RGL2: variants seen among roughly 807,000 people sequenced by gnomAD.
RGL2 encodes ral guanine nucleotide dissociation stimulator like 2, also known as ral guanine nucleotide dissociation stimulator-like 2.
Under a neutral mutation model 84.6 loss-of-function variants are expected in RGL2, and 40 were observed. The ratio of observed to expected loss-of-function variants is 0.47; its 90% CI spans 0.37 to 0.62. The LOEUF is 0.62. Among genes scored for constraint, RGL2 ranks in the 20% least tolerant of loss-of-function variants. The pLI is 0.00. For synonymous variants in RGL2, 369 were observed against 417.3 expected, an observed-to-expected ratio of 0.88 and a Z score of 1.41; for missense variants, 865 against 1,019.7, an observed-to-expected ratio of 0.85 and a Z score of 2.07.
chr6:33,297,890 C>T lies in RGL2; in HGVS notation c.156+565G>A, dbSNP rs1768147189. The T allele has an allele frequency of 2.0e-5, 3 of 151,614 alleles. No homozygotes were observed. Among genetic ancestry groups the T allele is most frequent in the Non-Finnish European group, 4.4e-5 (3 of 68,086 alleles). The allele number at this position is 151,614 out of a possible 1,614,324, so 9.4% of individuals were successfully genotyped here. A position where few individuals can be genotyped will look rare whatever the true frequency, so the allele number is the denominator to read the frequency against. On this transcript the variant is annotated intron_variant, in intron 2 of 17. Transcript: ENST00000497454. This position sits in a 1 kb window ranked among gnomAD's most constrained non-coding sequence, Gnocchi z 4.0. ...CCGAAATCCTGCTCCTGGCCACCAC[C>T]ATTAATCCCTAATGAAAACAGATGA... is the stretch of plus-strand genomic sequence containing the variant.
In RGL2 at chr6:33,294,906, C is replaced by A; in HGVS notation, c.1278+71G>T. The A allele has an allele frequency of 6.6e-7, 1 of 1,517,778 alleles. No individual in the cohort carries two copies. The allele number at this position is 1,517,778 out of a possible 1,614,324, so 94.0% of individuals were successfully genotyped here. On this transcript the variant is annotated intron_variant, in intron 10 of 17. Coordinates refer to ENST00000497454, the MANE Select transcript of RGL2 (RefSeq NM_004761.5). This position sits in a 1 kb window ranked among gnomAD's most constrained non-coding sequence, Gnocchi z 5.0. ...CCTCCCTTACCCATCCTTCAGGCTG[C>A]TCCCCCAAAACATACTCCTCACCCC... is the stretch of plus-strand genomic sequence containing the variant.
rs976499272 is a variant in RGL2 at position 33,292,163 on chromosome 6, C to T, written c.2273G>A (p.Gly758Glu). The T allele has an allele frequency of 1.9e-6, 3 of 1,614,094 alleles. No homozygotes were observed. The African/African-American group carries it at 4.0e-5, about 22-fold the overall frequency. Residue 758 changes from glycine (G) to glutamate (E), a missense_variant, in exon 18 of 18, where the codon GGA becomes GAA. By Grantham distance (98) the Gly-to-Glu change is moderately conservative. Coordinates refer to ENST00000497454, the MANE Select transcript of RGL2 (RefSeq NM_004761.5). Reference sequence around the variant, plus strand: ...CTTGATCCTGGGAAAGGAGCCCCCTCCTCCCTCACTCGGAGGAGTTCCTGA... The same window carrying T: ...CTTGATCCTGGGAAAGGAGCCCCCTTCTCCCTCACTCGGAGGAGTTCCTGA... ...SASGTPPSEG[G>E]GGSFPRIKAT...
chr6:33,291,923 A>G lies in RGL2; in HGVS notation c.*179T>C. 1.5e-6 allele frequency: 1 copy of G among 658,774 alleles called. No homozygotes were observed. The highest frequency in any genetic ancestry group is 1.9e-5 in the South Asian group (1 of 53,432). The allele number at this position is 658,774 out of a possible 1,614,324, so 40.8% of individuals were successfully genotyped here. A position where few individuals can be genotyped will look rare whatever the true frequency, so the allele number is the denominator to read the frequency against. On this transcript the variant is annotated 3_prime_UTR_variant, in exon 18 of 18. Coordinates refer to ENST00000497454, the MANE Select transcript of RGL2 (RefSeq NM_004761.5). ...GTATCCAACTTGGTTATAAGACACC[A>G]GTTCCCACAGGGCTGGATTTCTCAG...
At position 33,298,419 on chromosome 6, in the gene RGL2, A is replaced by T; in HGVS notation, c.156+36T>A. 1 of 1,182,884 alleles carries T rather than the reference A, an allele frequency of 8.5e-7. No individual in the cohort carries two copies. Among genetic ancestry groups the T allele is most frequent in the Non-Finnish European group, 1.2e-6 (1 of 835,408 alleles). The allele number at this position is 1,182,884 out of a possible 1,614,324, so 73.3% of individuals were successfully genotyped here. A position where few individuals can be genotyped will look rare whatever the true frequency, so the allele number is the denominator to read the frequency against. On this transcript the variant is annotated intron_variant, in intron 2 of 17. Coordinates refer to ENST00000497454, the MANE Select transcript of RGL2 (RefSeq NM_004761.5). This position sits in a 1 kb window ranked among gnomAD's most constrained non-coding sequence, Gnocchi z 4.8. ...AGAGAAAAGTGGAGACTTCAGAAAT[A>T]CATACGCCCCCTACCTCCCACCACC...
chr6:33,292,383 G>T (rs757864458), intron 17 of RGL2, 47 bp downstream of exon 17: 1 of 1,606,712 alleles, frequency 6.2e-7, no homozygotes. Flanking sequence ...AGATGTGGAA[G>T]TACTCCACTC....
Position 33,295,343 on chromosome 6 carries a change from C to A in RGL2, c.1100G>T (p.Arg367Leu). 6.3e-7 allele frequency: 1 copy of A among 1,590,130 alleles called. No individual in the cohort carries two copies. Among genetic ancestry groups the A allele is most frequent in the East Asian group, 2.3e-5 (1 of 43,862 alleles). ...CCTGGTTGCTTCCCCCCAGGCTGCCCGAAGCCTGTGGATGGGGCTGGACTG... is the reference window on the plus strand; with the variant it reads ...CCTGGTTGCTTCCCCCCAGGCTGCCAGAAGCCTGTGGATGGGGCTGGACTG... ...ALQSSPIHRL[R>L]AAWGEATRDS... Residue 367 changes from arginine to leucine, a missense_variant, in exon 8 of 18, where the codon CGG becomes CTG. Physicochemically the swap from Arg to Leu is moderately radical, Grantham distance 102. Transcript: ENST00000497454. This position sits in a 1 kb window ranked among gnomAD's most constrained non-coding sequence, Gnocchi z 7.2.
In RGL2 at chr6:33,296,776, C is replaced by A; in HGVS notation, c.241G>T (p.Val81Phe). The change falls in exon 4 of 18, where the codon GTC becomes TTC. Residue 81 changes from valine to phenylalanine, a missense_variant and splice_region_variant. Physicochemically the swap from Val to Phe is conservative, Grantham distance 50 (BLOSUM62 -1). Transcript: ENST00000497454. The surrounding 1 kb of genome is among the most constrained non-coding windows in gnomAD (Gnocchi z 5.0). ...SRQYRPLDPL[V>F]PMPPPRSSRR... ...GAGGAACGTGGGGGAGGCATAGGGACCTGGAGAACACAGAGAGATGATCGC... is the reference window on the plus strand; with the variant it reads ...GAGGAACGTGGGGGAGGCATAGGGAACTGGAGAACACAGAGAGATGATCGC... The A allele has an allele frequency of 6.2e-7, 1 of 1,613,940 alleles. No individual in the cohort carries two copies. The highest frequency in any genetic ancestry group is 8.5e-7 in the Non-Finnish European group (1 of 1,180,002).
chr6:33,292,443 T>C lies in RGL2; in HGVS notation c.2109A>G (p.Leu703=), dbSNP rs1314092832. Residue 703 remains leucine, a synonymous_variant, in exon 17 of 18, where the codon CTA becomes CTG. Coordinates refer to ENST00000497454, the MANE Select transcript of RGL2 (RefSeq NM_004761.5). ...ATGGCCTCTGACCTCGCTCCCCTGG[T>C]AGCAGCTGTACCAGCTCATACTCTG... ...VASEYELVQL[L]PGERELTIPA... 6.2e-7 allele frequency: 1 copy of C among 1,614,088 alleles called. No homozygotes were observed. Among genetic ancestry groups the C allele is most frequent in the South Asian group, 1.1e-5 (1 of 91,078 alleles).
Position 33,293,283 on chromosome 6 carries a change from C to T in RGL2, c.1740G>A (p.Ser580=), listed in dbSNP as rs370608368. Residue 580 remains serine (S), a synonymous_variant, in exon 16 of 18, where the codon TCG becomes TCA. Transcript: ENST00000497454. This position sits in a 1 kb window ranked among gnomAD's most constrained non-coding sequence, Gnocchi z 7.0. The part of the protein sequence containing the change: ...LAQHMKWPSV[S]SLDSALESSP... Reference sequence around the variant, plus strand: ...TGCTTTCCAAGGCAGAGTCTAGTGACGAGACAGATGGCCACTTCATGTGCT... The same window carrying T: ...TGCTTTCCAAGGCAGAGTCTAGTGATGAGACAGATGGCCACTTCATGTGCT... 3.2e-6 allele frequency: 5 copies of T among 1,547,760 alleles called. No homozygotes were observed. The highest frequency in any genetic ancestry group is 2.5e-5 in the South Asian group (2 of 79,616).
At chr6:33,299,322 C>T (rs998353841), upstream of RGL2, 21 of 152,250 alleles carry the variant, frequency 1.4e-4, no homozygotes, top group African/African-American at 5.1e-4. This position sits in a 1 kb window ranked among gnomAD's most constrained non-coding sequence, Gnocchi z 5.0. Flanking sequence ...GAGAGAGAGC[C>T]GGTCACTCCA....
rs551077117 is a variant in RGL2 at position 33,296,193 on chromosome 6, C to G, written c.603G>C (p.Gly201=). 6.9e-5 allele frequency: 111 copies of G among 1,613,972 alleles called. 1 individual carries two copies. Among genetic ancestry groups the G allele is most frequent in the South Asian group, 6.5e-4 (59 of 91,086 alleles). Residue 201 remains glycine (G), a synonymous_variant, in exon 6 of 18, where the codon GGG becomes GGC. Coordinates refer to ENST00000497454, the MANE Select transcript of RGL2 (RefSeq NM_004761.5). This position sits in a 1 kb window ranked among gnomAD's most constrained non-coding sequence, Gnocchi z 5.0. Reference sequence around the variant, plus strand: ...TGCGGATGAGGTCAGCGCTGCCCCCCCCAACACCCTTCCCTGCTGCATACC... The same window carrying G: ...TGCGGATGAGGTCAGCGCTGCCCCCGCCAACACCCTTCCCTGCTGCATACC... ...QTGYAAGKGV[G]GGSADLIRNL...
chr6:33,291,758 C>T lies in RGL2; in HGVS notation c.*344G>A, dbSNP rs1414937611. 2 of 466,120 alleles carry T rather than the reference C, an allele frequency of 4.3e-6. No homozygotes were observed. The highest frequency in any genetic ancestry group is 4.0e-5 in the Admixed American group (1 of 24,982). 28.9% of individuals were successfully genotyped at this position (466,120 alleles called of 1,614,324 possible). A position where few individuals can be genotyped will look rare whatever the true frequency, so the allele number is the denominator to read the frequency against. ...CTGCGAGGACCTACATTTTGCCATT[C>T]CCCTCTGCCCTGGGGCTCAGAGCCT... On this transcript the variant is annotated 3_prime_UTR_variant, in exon 18 of 18. Coordinates refer to ENST00000497454, the MANE Select transcript of RGL2 (RefSeq NM_004761.5).
Position 33,295,424 on chromosome 6 carries a change from T to C in RGL2, c.1021-2A>G. 1 of 1,612,814 alleles carries C rather than the reference T, an allele frequency of 6.2e-7. No individual in the cohort carries two copies. Among genetic ancestry groups the C allele is most frequent in the Non-Finnish European group, 8.5e-7 (1 of 1,179,920 alleles). On this transcript the variant is annotated splice_acceptor_variant, in intron 7 of 17. Transcript: ENST00000497454. LOFTEE classifies it high-confidence loss of function. The surrounding 1 kb of genome is among the most constrained non-coding windows in gnomAD (Gnocchi z 7.2). ...GAAGTTTCGGAGCAGCCGGCACTCC[T>C]GTGGGGGTCAAAGAAGAGAGCTAAG... is the stretch of plus-strand genomic sequence containing the variant.
At position 33,295,802 on chromosome 6, in the gene RGL2, G is replaced by C; in HGVS notation, c.769-43C>G. On this transcript the variant is annotated intron_variant, in intron 6 of 17. Coordinates refer to ENST00000497454, the MANE Select transcript of RGL2 (RefSeq NM_004761.5). The surrounding 1 kb of genome is among the most constrained non-coding windows in gnomAD (Gnocchi z 7.2). ...GAGGTTAAAGTTCATAGTCAAGTGA[G>C]GTCAGCCTTCCAATATCAGGGATCT... The C allele has an allele frequency of 6.3e-7, 1 of 1,586,638 alleles. No homozygotes were observed. Among genetic ancestry groups the C allele is most frequent in the Non-Finnish European group, 8.6e-7 (1 of 1,162,284 alleles).
chr6:33,298,664 G>C lies in RGL2; in HGVS notation c.-41-13C>G. The C allele has an allele frequency of 8.1e-7, 1 of 1,233,628 alleles. No homozygotes were observed. Among genetic ancestry groups the C allele is most frequent in the Non-Finnish European group, 1.1e-6 (1 of 924,754 alleles). 76.4% of individuals were successfully genotyped at this position (1,233,628 alleles called of 1,614,324 possible). On this transcript the variant is annotated splice_polypyrimidine_tract_variant and intron_variant, in intron 1 of 17. Coordinates refer to ENST00000497454, the MANE Select transcript of RGL2 (RefSeq NM_004761.5). This position sits in a 1 kb window ranked among gnomAD's most constrained non-coding sequence, Gnocchi z 4.8. ...GCCATGGGGGCGCCTGGGGAGAGAC[G>C]GGGTGGGGTGGGGGTGGAGAGTCAG...
In RGL2 at chr6:33,294,080, G is replaced by A; in HGVS notation, c.1354-14C>T. 1 of 1,608,394 alleles carries A rather than the reference G, an allele frequency of 6.2e-7. No individual in the cohort carries two copies. Among genetic ancestry groups the A allele is most frequent in the African/African-American group, 1.3e-5 (1 of 74,804 alleles). Reference sequence around the variant, plus strand: ...GATGTATCCATTCTGCGAGGAAAATGGGGATGGGGTGAAAGTTCCAACCCT... The same window carrying A: ...GATGTATCCATTCTGCGAGGAAAATAGGGATGGGGTGAAAGTTCCAACCCT... On this transcript the variant is annotated splice_polypyrimidine_tract_variant and intron_variant, in intron 11 of 17. Transcript: ENST00000497454. The surrounding 1 kb of genome is among the most constrained non-coding windows in gnomAD (Gnocchi z 5.0).
chr6:33,293,024 T>A lies in RGL2; in HGVS notation c.1999A>T (p.Ser667Cys), dbSNP rs1457001267. 6.2e-7 allele frequency: 1 copy of A among 1,613,820 alleles called. No individual in the cohort carries two copies. The highest frequency in any genetic ancestry group is 1.3e-5 in the African/African-American group (1 of 74,858). ...TCCCAAGGCTCCCTCACCAAAATGC[T>A]CTTATAGACACTGCCATCTTCCCCC... ...ELGEDGSVYK[S>C]ILVTSQDKAP... The change falls in exon 16 of 18, where the codon AGC becomes TGC. Residue 667 changes from serine (S) to cysteine (C), a missense_variant. Ser to Cys is a moderately radical substitution (Grantham distance 112). Around this residue, in one of 5 missense-constraint regions of RGL2, gnomAD observed 302 missense variants for 327.9 expected, o/e 0.92. Coordinates refer to ENST00000497454, the MANE Select transcript of RGL2 (RefSeq NM_004761.5). The surrounding 1 kb of genome is among the most constrained non-coding windows in gnomAD (Gnocchi z 7.0).
Position 33,293,310 on chromosome 6 carries a change from G to A in RGL2, c.1717-4C>T. The A allele has an allele frequency of 1.3e-6, 2 of 1,554,470 alleles. No homozygotes were observed. Among genetic ancestry groups the A allele is most frequent in the South Asian group, 2.5e-5 (2 of 80,564 alleles). Reference sequence around the variant, plus strand: ...AGACAGATGGCCACTTCATGTGCTAGGAACAAACAACATGGGACTGGCATG... The same window carrying A: ...AGACAGATGGCCACTTCATGTGCTAAGAACAAACAACATGGGACTGGCATG... On this transcript the variant is annotated splice_polypyrimidine_tract_variant and splice_region_variant and intron_variant, in intron 15 of 17. Transcript: ENST00000497454. This position sits in a 1 kb window ranked among gnomAD's most constrained non-coding sequence, Gnocchi z 7.0.
In RGL2 at chr6:33,296,157, G is replaced by A. The variant is rs769033151; in HGVS notation, c.639C>T (p.Ser213=). The change falls in exon 6 of 18, where the codon TCC becomes TCT. Residue 213 remains serine, a synonymous_variant. Transcript: ENST00000497454. This position sits in a 1 kb window ranked among gnomAD's most constrained non-coding sequence, Gnocchi z 5.0. ...GGTCGGGGGCCTGGGGGTCCACCCG[G>A]GACCGGAGATTGCGGATGAGGTCAG... is the stretch of plus-strand genomic sequence containing the variant. ...GSADLIRNLR[S]RVDPQAPDLP... 1.9e-6 allele frequency: 3 copies of A among 1,614,006 alleles called. No homozygotes were observed. The highest frequency in any genetic ancestry group is 2.2e-5 in the South Asian group (2 of 91,084).
Sources: allele counts gnomAD v4.1 joint callset, GRCh38; gene constraint gnomAD v4.1.1; regional missense constraint gnomAD v4.1.1; non-coding constraint Gnocchi (gnomAD v3.1); transcripts MANE v1.5; gene names NCBI Gene and HGNC (gene_info 2026-07-23, HGNC 2026-07-21).